Variants in UST observed in about 807,000 individuals in gnomAD.
The protein encoded by UST is chondroitin sulfate 2-O-sulfotransferase.
In UST, 21 loss-of-function variants were observed where a neutral mutation model predicts 45.6. The observed-to-expected ratio is 0.46, with a 90% CI of 0.33 to 0.66. UST has a LOEUF of 0.66. Ranked by LOEUF, UST falls within the 30% of genes least tolerant of loss-of-function variation. The probability of loss-of-function intolerance (pLI) is 0.02; values close to 1 mark genes in which losing one functional copy is unlikely to be tolerated. For synonymous variants in UST, 215 were observed against 200.6 expected (o/e 1.07, Z -0.61); for missense variants, 463 against 512.4 (o/e 0.90, Z 0.93).
intron 5 of UST, among the ~76,000 whole-genome samples, chr6:148,992,783 G>A (rs1353014565): frequency 1.3e-5 from 2 of 152,164 alleles, no homozygotes; most frequent in Admixed American, 6.5e-5. Flanking sequence ...ACATTTTACA[G>A]CAGGAGCATA....
At chr6:148,787,190 A>G (rs1433115553) in intron 1 of UST, among the ~76,000 whole-genome samples, 1 of 152,174 alleles carries the variant, frequency 6.6e-6, no homozygotes, top group Non-Finnish European at 1.5e-5. Flanking sequence ...TTTGCTGTGC[A>G]GAAGCTCTTT....
At chr6:149,010,626 G>T (rs1775790406) in intron 5 of UST, among the ~76,000 whole-genome samples, 1 of 151,986 alleles carries the variant, frequency 6.6e-6, no homozygotes. Context: ...CGGGTCCAGT[G>T]GCTCATGCCT....
At chr6:149,034,446 T>A (rs940139699) in intron 7 of UST, among the ~76,000 whole-genome samples, 3 of 149,474 alleles carry the variant, frequency 2.0e-5, no homozygotes, top group Non-Finnish European at 3.0e-5. Context: ...TTAAGCTCCA[T>A]CGCAGCCTGC....
chr6:148,996,197 T>C (rs1477093663), intron 5 of UST, among the ~76,000 whole-genome samples: 1 of 152,162 alleles, frequency 6.6e-6, no homozygotes, highest in Non-Finnish European at 1.5e-5. Flanking sequence ...CTCCTAAATA[T>C]TATATGTTTA....
At chr6:148,978,090 G>GTC (rs1207664779) in intron 5 of UST, among the ~76,000 whole-genome samples, 1 of 152,058 alleles carries the variant, frequency 6.6e-6, no homozygotes, top group East Asian at 1.9e-4. Context: ...CTTTAACTCA[G>GTC]TCACCTTAGT....
chr6:149,046,946 C>T (rs1252713886), intron 7 of UST, among the ~76,000 whole-genome samples: 5 of 152,190 alleles, frequency 3.3e-5, no homozygotes, highest in Non-Finnish European at 5.9e-5. Flanking sequence ...CTAGTGCCTA[C>T]TGATCTGAGT....
At position 148,979,725 on chromosome 6, in the gene UST, C is replaced by T. The variant is rs141126775; in HGVS notation, c.681+15162C>T. Among the ~76,000 whole-genome samples the T allele has an allele frequency of 4.1e-3, 619 of 152,286 alleles. 5 individuals are homozygous for T. The highest frequency in any genetic ancestry group is 0.014 in the African/African-American group (600 of 41,568). On this transcript the variant is annotated intron_variant, in intron 5 of 7. Transcript: ENST00000367463. ...AAAGTGATGACACTGTTCTTCCTGC[C>T]ATGCCCGCTCTTAGCTCTGTGTGGT...
In UST at chr6:148,758,260, T is replaced by C. The variant is rs564156381; in HGVS notation, c.247+10583T>C. ...CTCTTCAACACCTGACAAGTTCCGGTAATTCATCCATCCCACTAATTACAT... is the reference window on the plus strand; with the variant it reads ...CTCTTCAACACCTGACAAGTTCCGGCAATTCATCCATCCCACTAATTACAT... On this transcript the variant is annotated intron_variant, in intron 1 of 7. Coordinates refer to ENST00000367463, the MANE Select transcript of UST (RefSeq NM_005715.3). 2.6e-5 allele frequency among the ~76,000 whole-genome samples: 4 copies of C among 152,344 alleles called. No homozygotes were observed. In the South Asian group the frequency reaches 8.3e-4, roughly 32 times the overall value.
intron 2 of UST, among the ~76,000 whole-genome samples, chr6:148,911,749 C>T (rs73778946): frequency 0.027 from 4,162 of 151,896 alleles, 182 homozygotes; most frequent in African/African-American, 0.092. Flanking sequence ...GAATTGTCTT[C>T]TTTTGTATAT....
chr6:149,024,602 G>T (rs1410604652), intron 7 of UST, among the ~76,000 whole-genome samples: 1 of 152,172 alleles, frequency 6.6e-6, no homozygotes, highest in African/African-American at 2.4e-5. Context: ...GGAAGACTTA[G>T]CACCCATATT....
chr6:149,061,797 A>G (rs1010384374), intron 7 of UST, among the ~76,000 whole-genome samples: 2 of 152,270 alleles, frequency 1.3e-5, no homozygotes, highest in Non-Finnish European at 2.9e-5. Flanking sequence ...AAAGAGCCAC[A>G]GTTCACATTG....
intron 1 of UST, among the ~76,000 whole-genome samples, chr6:148,863,573 A>T (rs1421793339): frequency 6.6e-6 from 1 of 152,192 alleles, no homozygotes; most frequent in African/African-American, 2.4e-5. Context: ...CTGGAGGAGA[A>T]GAGGCACTCT....
chr6:148,904,741 C>G (rs1469542883), intron 2 of UST, among the ~76,000 whole-genome samples: 2 of 152,280 alleles, frequency 1.3e-5, no homozygotes, highest in East Asian at 3.9e-4. Flanking sequence ...ACAGGCTGGT[C>G]TCGAACCCCT....
chr6:149,018,728 A>T (rs141915813), intron 5 of UST, among the ~76,000 whole-genome samples: 1 of 152,210 alleles, frequency 6.6e-6, no homozygotes, highest in African/African-American at 2.4e-5. Context: ...TGTTGGATGC[A>T]TGGATACACA....
chr6:148,867,797 A>T (rs1778475506), intron 1 of UST, among the ~76,000 whole-genome samples: 1 of 152,222 alleles, frequency 6.6e-6, no homozygotes, highest in Non-Finnish European at 1.5e-5. Flanking sequence ...CTTTATCAGC[A>T]CCATGAGAAC....
chr6:148,961,199 G>C (rs1217968155), intron 4 of UST, among the ~76,000 whole-genome samples: 10 of 152,238 alleles, frequency 6.6e-5, no homozygotes, highest in Non-Finnish European at 1.2e-4. Flanking sequence ...CAGAGTCGGG[G>C]AATAGGATCT....
At chr6:148,825,359 T>TA (rs1777551112) in intron 1 of UST, among the ~76,000 whole-genome samples, 1 of 152,230 alleles carries the variant, frequency 6.6e-6, no homozygotes, top group Non-Finnish European at 1.5e-5. Context: ...AGGTCCTTTG[T>TA]GCATCCCCTT....
At chr6:149,004,326 G>A (rs1781607161) in intron 5 of UST, among the ~76,000 whole-genome samples, 1 of 152,174 alleles carries the variant, frequency 6.6e-6, no homozygotes, top group African/African-American at 2.4e-5. Context: ...TCCACAAGGT[G>A]CTCTTTAATC....
At chr6:149,059,529 G>C (rs1776621748) in intron 7 of UST, among the ~76,000 whole-genome samples, 1 of 152,206 alleles carries the variant, frequency 6.6e-6, no homozygotes, top group African/African-American at 2.4e-5. Flanking sequence ...AGATTGCCCA[G>C]GAAGTTGTTG....
Sources: gnomAD v4.1 joint callset for allele counts (sites outside exome capture counted in the v4.1 genomes callset) on GRCh38, gnomAD v4.1.1 for gene constraint, MANE v1.5 for transcripts, NCBI Gene and HGNC (gene_info 2026-07-23, HGNC 2026-07-21) for gene names.